The following ERI1 variants were observed in gnomAD, a reference collection of about 807,000 sequenced individuals.
ERI1 encodes exoribonuclease 1, also known as 3'-5' exoribonuclease 1.
In ERI1, 39 loss-of-function variants were observed where a neutral mutation model predicts 39.7. That is an observed-to-expected ratio of 0.98 (90% CI 0.76 to 1.28). The LOEUF is 1.28. Ranked by LOEUF, ERI1 falls within the 50% of genes most tolerant of loss-of-function variation. The pLI is 0.00. For synonymous variants in ERI1, 204 were observed against 149.6 expected (o/e 1.36, Z -2.65); for missense variants, 581 against 416.9 (o/e 1.39, Z -3.43).
intron 3 of ERI1, among the ~76,000 whole-genome samples, chr8:9,061,160 G>A (rs113202688): frequency 3.1e-3 from 476 of 152,320 alleles, no homozygotes; most frequent in African/African-American, 0.011. Flanking sequence ...TTGCTGATGA[G>A]TGGCGATTAG....
At chr8:9,046,216 G>A (rs553973365) in intron 3 of ERI1, among the ~76,000 whole-genome samples, 1 of 152,310 alleles carries the variant, frequency 6.6e-6, no homozygotes, top group South Asian at 2.1e-4. Context: ...TCTGTCCTGA[G>A]AAGCGGTTCT....
intron 3 of ERI1, among the ~76,000 whole-genome samples, chr8:9,041,708 C>T (rs1014880676): frequency 2.6e-5 from 4 of 152,156 alleles, no homozygotes; most frequent in African/African-American, 7.2e-5. Context: ...AAGTTTATAG[C>T]AATACGTGGC....
At chr8:9,011,925 A>G (rs111686955) in intron 3 of ERI1, among the ~76,000 whole-genome samples, 173 bp downstream of exon 3, 281 of 152,320 alleles carry the variant, frequency 1.8e-3, no homozygotes, top group African/African-American at 5.5e-3. Context: ...TAACAAAGCA[A>G]TTTTAGAGAC....
intron 6 of ERI1, among the ~76,000 whole-genome samples, chr8:9,027,671 G>T (rs1293607528): frequency 6.6e-6 from 1 of 152,000 alleles, no homozygotes; most frequent in Non-Finnish European, 1.5e-5. Context: ...GTAAGGTAAG[G>T]GTCCAACTTC....
chr8:9,023,217 A>C (rs1219875210), intron 6 of ERI1, among the ~76,000 whole-genome samples: 1 of 151,778 alleles, frequency 6.6e-6, no homozygotes, highest in East Asian at 1.9e-4. Context: ...TTATTCTTTT[A>C]AGAAACTGAG....
At chr8:9,092,881 G>T (rs1799752005) in intron 3 of ERI1, among the ~76,000 whole-genome samples, 1 of 152,206 alleles carries the variant, frequency 6.6e-6, no homozygotes, top group South Asian at 2.1e-4. Context: ...CGGCAGGGTT[G>T]GTTCCTTCTG....
At chr8:9,004,600 G>A (rs1416310778) in intron 1 of ERI1, among the ~76,000 whole-genome samples, 1 of 150,836 alleles carries the variant, frequency 6.6e-6, no homozygotes, top group Non-Finnish European at 1.5e-5. Context: ...ATGGGTGGAG[G>A]CTGCAGTGAG....
chr8:9,071,794 A>C (rs919047540), intron 3 of ERI1, among the ~76,000 whole-genome samples: 27 of 152,242 alleles, frequency 1.8e-4, no homozygotes, highest in Non-Finnish European at 8.8e-5. Flanking sequence ...GACTGGGTGC[A>C]GTGGCTCATG....
chr8:9,021,611 C>G (rs551938264), intron 6 of ERI1, among the ~76,000 whole-genome samples: 4 of 152,120 alleles, frequency 2.6e-5, no homozygotes, highest in Non-Finnish European at 4.4e-5. Flanking sequence ...AACTCCCTTC[C>G]TTCCTCCTGG....
At chr8:9,015,441 C>A (rs531490823) in intron 3 of ERI1, among the ~76,000 whole-genome samples, 2 of 152,174 alleles carry the variant, frequency 1.3e-5, no homozygotes, top group Admixed American at 6.5e-5. Flanking sequence ...ACTTAGAGAT[C>A]GGAGCCTGAT....
intron 3 of ERI1, among the ~76,000 whole-genome samples, chr8:9,042,596 T>A (rs1314722397): frequency 6.6e-6 from 1 of 152,142 alleles, no homozygotes; most frequent in Non-Finnish European, 1.5e-5. Context: ...TGGGGCTTTG[T>A]GGCCCTGGAG....
rs913126765 is a variant in ERI1, at chr8:9,049,159, A to G, written n.299+28695A>G. On this transcript the variant is annotated intron_variant and non_coding_transcript_variant, in intron 3 of 3. Transcript: ENST00000518663. ...TTCTCAAGCTTGGCCAACATGGTGA[A>G]ACCCCGTCTCTACTAAAAATACAAA... is the stretch of plus-strand genomic sequence containing the variant. Among the ~76,000 whole-genome samples the G allele has an allele frequency of 2.6e-5, 4 of 151,638 alleles. No homozygotes were observed. The South Asian group carries it at 8.3e-4, about 32-fold the overall frequency.
At chr8:9,083,632 A>C (rs893159353) in intron 3 of ERI1, among the ~76,000 whole-genome samples, 2 of 115,284 alleles carry the variant, frequency 1.7e-5, no homozygotes, top group African/African-American at 7.5e-5. Context: ...TGCATGGTCC[A>C]TGTTAAAAAA....
At chr8:9,058,134 C>T (rs1798570569) in intron 3 of ERI1, among the ~76,000 whole-genome samples, 1 of 152,166 alleles carries the variant, frequency 6.6e-6, no homozygotes, top group Non-Finnish European at 1.5e-5. Flanking sequence ...GGGTCAAAGG[C>T]AGGAGCTGGA....
chr8:9,024,106 G>T (rs909012877), intron 6 of ERI1, among the ~76,000 whole-genome samples: 1 of 152,120 alleles, frequency 6.6e-6, no homozygotes, highest in African/African-American at 2.4e-5. Flanking sequence ...GGCCAAAAAT[G>T]ACCTTCTATC....
rs984512570 is a variant in ERI1 at position 9,031,050 on chromosome 8, C to T, written c.*1016C>T. ...ATTCTAAAAACTAAAATGTGCATTT[C>T]GACTTGATAAGGTAAAACTCTTATC... On this transcript the variant is annotated 3_prime_UTR_variant, in exon 7 of 7. Transcript: ENST00000250263. 2.0e-5 allele frequency: 3 copies of T among 152,110 alleles called. No homozygotes were observed. The highest frequency in any genetic ancestry group is 2.1e-4 in the South Asian group (1 of 4,826). The allele number at this position is 152,110 out of a possible 1,614,324, so 9.4% of individuals were successfully genotyped here. A position where few individuals can be genotyped will look rare whatever the true frequency, so the allele number is the denominator to read the frequency against.
intron 3 of ERI1, among the ~76,000 whole-genome samples, chr8:9,057,512 G>A (rs1456192743): frequency 6.6e-6 from 1 of 152,158 alleles, no homozygotes; most frequent in African/African-American, 2.4e-5. Context: ...GTTAACTAGT[G>A]TGTGGTTTGC....
intron 3 of ERI1, among the ~76,000 whole-genome samples, chr8:9,048,026 G>C (rs113532510): frequency 0.012 from 1,801 of 152,336 alleles, 36 homozygotes; most frequent in South Asian, 0.091. Context: ...AAGCCAGTAA[G>C]TGGGAAAGCC....
intron 3 of ERI1, among the ~76,000 whole-genome samples, chr8:9,080,167 T>G (rs1265965914): frequency 2.0e-5 from 3 of 152,136 alleles, no homozygotes; most frequent in Non-Finnish European, 4.4e-5. Flanking sequence ...CGACTTGTGG[T>G]AATAGAAAGC....
Sources: allele counts gnomAD v4.1 joint callset (sites outside exome capture counted in the v4.1 genomes callset), GRCh38; gene constraint gnomAD v4.1.1; transcripts MANE v1.5; gene names NCBI Gene and HGNC (gene_info 2026-07-23, HGNC 2026-07-21).